KLHL29: variants seen among roughly 807,000 people sequenced by gnomAD.
KLHL29 encodes the protein kelch-like protein 29.
KLHL29 carries 21 observed loss-of-function variants against 80.4 expected under a neutral mutation model. That is an observed-to-expected ratio of 0.26 (90% CI 0.19 to 0.38). The LOEUF (loss-of-function observed/expected upper bound fraction) is 0.38, where lower values mean the gene tolerates loss of function less well. Ranked by LOEUF, KLHL29 falls within the 10% of genes least tolerant of loss-of-function variation. KLHL29 has a pLI of 1.00. For missense variants in KLHL29, 867 were observed against 1,223.9 expected, an observed-to-expected ratio of 0.71 and a Z score of 4.35; for synonymous variants, 511 against 526.8, an observed-to-expected ratio of 0.97 and a Z score of 0.41.
intron 3 of KLHL29, among the ~76,000 whole-genome samples, chr2:23,627,475 C>G (rs1211381579): frequency 6.6e-6 from 1 of 152,238 alleles, no homozygotes; most frequent in East Asian, 1.9e-4. Context: ...GCTCTGACCC[C>G]CATACCATTC....
At chr2:23,685,884 G>C (rs1310077104) in intron 6 of KLHL29, among the ~76,000 whole-genome samples, 2 of 152,216 alleles carry the variant, frequency 1.3e-5, no homozygotes, top group African/African-American at 4.8e-5. Flanking sequence ...CTAGGGTCTT[G>C]GGCCTGGCTC....
intron 2 of KLHL29, among the ~76,000 whole-genome samples, chr2:23,481,400 T>C (rs1664794031): frequency 1.3e-5 from 2 of 152,264 alleles, no homozygotes; most frequent in Non-Finnish European, 2.9e-5. Flanking sequence ...CCTGCAATCC[T>C]TTCTGGAACT....
At chr2:23,436,242 C>T (rs1663336932) in intron 1 of KLHL29, among the ~76,000 whole-genome samples, 1 of 150,458 alleles carries the variant, frequency 6.6e-6, no homozygotes, top group Non-Finnish European at 1.5e-5. Context: ...ACTCAGTAAA[C>T]ATCCATGGAT....
intron 3 of KLHL29, among the ~76,000 whole-genome samples, chr2:23,638,085 T>TAAAAAAAAAAAAAAAAAAAAAAAA (rs553356362): frequency 5.4e-5 from 6 of 111,582 alleles, no homozygotes; most frequent in Non-Finnish European, 9.1e-5. Flanking sequence ...ATGGCCATAG[T>TAAAAAAAAAAAAAAAAAAAAAAAA]AAAAAAAAAA....
rs191189953 is a variant in KLHL29 at position 23,639,194 on chromosome 2, G to A, written c.341G>A (p.Arg114Gln). 7.4e-4 allele frequency: 1,137 copies of A among 1,546,460 alleles called. 7 individuals are homozygous for A. Among genetic ancestry groups the A allele is most frequent in the Non-Finnish European group, 1.6e-4 (178 of 1,145,018 alleles). The change falls in exon 4 of 14, where the codon CGG becomes CAG. Residue 114 changes from arginine (R) to glutamine (Q), a missense_variant. Physicochemically the swap from Arg to Gln is conservative, Grantham distance 43 (BLOSUM62 1). Transcript: ENST00000486442. ...TCCCAGGGACTGGCGACCAGCATCCGGTGGGGGCAGACGCCTATCAATCAG... is the reference window on the plus strand; with the variant it reads ...TCCCAGGGACTGGCGACCAGCATCCAGTGGGGGCAGACGCCTATCAATCAG... ...SQSQGLATSI[R>Q]WGQTPINQST...
At chr2:23,448,172 A>G (rs1274150703) in intron 1 of KLHL29, among the ~76,000 whole-genome samples, 1 of 152,146 alleles carries the variant, frequency 6.6e-6, no homozygotes, top group East Asian at 1.9e-4. Flanking sequence ...ACTAGGAAAG[A>G]GGTTCCCAAA....
intron 1 of KLHL29, among the ~76,000 whole-genome samples, chr2:23,413,524 T>C (rs1666914215): frequency 6.6e-6 from 1 of 152,156 alleles, no homozygotes; most frequent in African/African-American, 2.4e-5. Flanking sequence ...AACTATCCGC[T>C]CATTTATTAA....
chr2:23,435,286 TCTC>T (rs1484885243), intron 1 of KLHL29, among the ~76,000 whole-genome samples: 1 of 152,100 alleles, frequency 6.6e-6, no homozygotes, highest in African/African-American at 2.4e-5. Context: ...CTGAGTTGTA[TCTC>T]CTCAGGATAC....
intron 1 of KLHL29, among the ~76,000 whole-genome samples, chr2:23,412,830 C>G (rs1188144201): frequency 6.6e-6 from 1 of 152,138 alleles, no homozygotes; most frequent in African/African-American, 2.4e-5. Flanking sequence ...TGGGAAATGG[C>G]AGGTGTCGGC....
At chr2:23,463,539 A>G (rs1156385519) in intron 1 of KLHL29, among the ~76,000 whole-genome samples, 2 of 152,316 alleles carry the variant, frequency 1.3e-5, no homozygotes, top group South Asian at 2.1e-4. Flanking sequence ...TATTGCACGT[A>G]TAAGCATTTC....
At chr2:23,485,013 C>T (rs1423360889) in intron 2 of KLHL29, among the ~76,000 whole-genome samples, 1 of 152,196 alleles carries the variant, frequency 6.6e-6, no homozygotes, top group Non-Finnish European at 1.5e-5. Context: ...CATTTCTCTC[C>T]CTGGCACCCT....
At position 23,423,180 on chromosome 2, in the gene KLHL29, G is replaced by T. The variant is rs553322817; in HGVS notation, c.-154+37400G>T. ...CACAGGAAGTGTTTTTCACTCATCC[G>T]CTTACTGTTCTTTTTTCCCTGCGAA... On this transcript the variant is annotated intron_variant, in intron 1 of 13. Coordinates refer to ENST00000486442, the MANE Select transcript of KLHL29 (RefSeq NM_052920.2). Among the ~76,000 whole-genome samples, 7 of 152,308 alleles carry T rather than the reference G, an allele frequency of 4.6e-5. No homozygotes were observed. The South Asian group carries it at 1.2e-3, about 27-fold the overall frequency.
chr2:23,552,105 C>T (rs1368133364), intron 2 of KLHL29, among the ~76,000 whole-genome samples: 1 of 152,218 alleles, frequency 6.6e-6, no homozygotes, highest in Non-Finnish European at 1.5e-5. Flanking sequence ...AAGCACACAG[C>T]ACAACCACAG....
intron 1 of KLHL29, among the ~76,000 whole-genome samples, chr2:23,434,927 G>A (rs1317532111): frequency 1.3e-5 from 2 of 152,204 alleles, no homozygotes; most frequent in African/African-American, 2.4e-5. Flanking sequence ...ACCTGCCAGA[G>A]GGAGGCTCTG....
In KLHL29 at chr2:23,578,979, GA is replaced by G. The variant is rs146146999; in HGVS notation, c.285+16501del. On this transcript the variant is annotated intron_variant, in intron 3 of 13. Transcript: ENST00000486442. ...CACTTGCTGTGCCTCCATGAAATGGGAAATCATCGCCTCTATCTGATGTTCT... is the reference window on the plus strand; with the variant it reads ...CACTTGCTGTGCCTCCATGAAATGGGAATCATCGCCTCTATCTGATGTTCT... Among the ~76,000 whole-genome samples the G allele has an allele frequency of 5.0e-3, 767 of 152,336 alleles. 8 individuals carry two copies. The highest frequency in any genetic ancestry group is 0.018 in the African/African-American group (748 of 41,572).
At chr2:23,654,157 ACT>A (rs1266895633) in intron 5 of KLHL29, among the ~76,000 whole-genome samples, 3 of 151,136 alleles carry the variant, frequency 2.0e-5, no homozygotes, top group African/African-American at 7.3e-5. Context: ...ACAGAGTGAG[ACT>A]CTGTCTCAAA....
intron 2 of KLHL29, among the ~76,000 whole-genome samples, chr2:23,534,139 C>T (rs543582378): frequency 6.6e-6 from 1 of 152,232 alleles, no homozygotes; most frequent in Non-Finnish European, 1.5e-5. Context: ...CCCATTTTAT[C>T]GTGTTTCTTC....
intron 1 of KLHL29, among the ~76,000 whole-genome samples, chr2:23,393,971 T>C (rs1471172092): frequency 2.6e-5 from 4 of 152,200 alleles, no homozygotes; most frequent in Non-Finnish European, 5.9e-5. Context: ...TTCTTGAGGC[T>C]TCCCCACAAA....
chr2:23,438,674 G>T (rs1663418367), intron 1 of KLHL29, among the ~76,000 whole-genome samples: 1 of 149,698 alleles, frequency 6.7e-6, no homozygotes, highest in Non-Finnish European at 1.5e-5. Context: ...CTTGATCGTG[G>T]TGGATAAGCT....
Sources: gnomAD v4.1 joint callset for allele counts (sites outside exome capture counted in the v4.1 genomes callset) on GRCh38, gnomAD v4.1.1 for gene constraint, MANE v1.5 for transcripts, NCBI Gene and HGNC (gene_info 2026-07-23, HGNC 2026-07-21) for gene names.